Variants in ATG7 observed in about 807,000 individuals in gnomAD.
The protein encoded by ATG7 is autophagy related 7, also known as ubiquitin-like modifier-activating enzyme ATG7.
Under a neutral mutation model 82.4 loss-of-function variants are expected in ATG7, and 70 were observed. That is an observed-to-expected ratio of 0.85 (90% CI 0.70 to 1.04). The LOEUF (loss-of-function observed/expected upper bound fraction) is 1.04, where lower values mean the gene tolerates loss of function less well. ATG7 is among the 50% of genes least tolerant of loss of function. ATG7 has a pLI of 0.00. For missense variants in ATG7, 792 were observed against 864.3 expected (o/e 0.92, Z 1.05); for synonymous variants, 287 against 313.0 (o/e 0.92, Z 0.88).
intron 20 of ATG7, among the ~76,000 whole-genome samples, chr3:11,503,088 A>C (rs2091459125): frequency 6.6e-6 from 1 of 152,168 alleles, no homozygotes; most frequent in Non-Finnish European, 1.5e-5. Flanking sequence ...GTCAGGCTCA[A>C]ATACCTTCCA....
intron 14 of ATG7, among the ~76,000 whole-genome samples, chr3:11,357,917 G>C (rs906373837): frequency 1.3e-5 from 2 of 151,692 alleles, no homozygotes; most frequent in Non-Finnish European, 1.5e-5. Context: ...GCTGAGGTGG[G>C]AGGATCCCTT....
At position 11,340,282 on chromosome 3, in the gene ATG7, G is replaced by A. The variant is rs182226244; in HGVS notation, c.890-363G>A. 3.4e-4 allele frequency among the ~76,000 whole-genome samples: 51 copies of A among 152,120 alleles called. No homozygotes were observed. In the East Asian group the frequency reaches 8.7e-3, roughly 26 times the overall value. On this transcript the variant is annotated intron_variant, in intron 11 of 20. Transcript: ENST00000693202. The stretch of plus-strand genomic sequence containing the variant: ...CTTGCTTAGATAGAGAAGCCTCAGT[G>A]GGGTTATACCTACCCCAGAAAAGAT...
At chr3:11,336,036 A>ATTTTTTTTTT in intron 11 of ATG7, among the ~76,000 whole-genome samples, 1 of 111,696 alleles carries the variant, frequency 9.0e-6, no homozygotes, top group Admixed American at 9.2e-5. Flanking sequence ...GTGCCCGGTC[A>ATTTTTTTTTT]TTTTTTTTTT....
At chr3:11,387,876 A>G (rs932491250) in intron 19 of ATG7, among the ~76,000 whole-genome samples, 2 of 152,208 alleles carry the variant, frequency 1.3e-5, no homozygotes, top group Non-Finnish European at 2.9e-5. Flanking sequence ...AGGCTGAGGC[A>G]GGAGAATGGT....
intron 20 of ATG7, among the ~76,000 whole-genome samples, chr3:11,493,263 C>T (rs577527207): frequency 6.6e-6 from 1 of 152,164 alleles, no homozygotes; most frequent in Non-Finnish European, 1.5e-5. Context: ...TCAAGTTGCC[C>T]CTCTCTTTGC....
intron 19 of ATG7, among the ~76,000 whole-genome samples, chr3:11,424,144 T>A (rs2082169630): frequency 6.6e-6 from 1 of 152,046 alleles, no homozygotes; most frequent in African/African-American, 2.4e-5. Flanking sequence ...TGCTCAACCT[T>A]CCCTCCTCAT....
chr3:11,533,261 T>C (rs2092726448), intron 20 of ATG7, among the ~76,000 whole-genome samples: 1 of 152,058 alleles, frequency 6.6e-6, no homozygotes, highest in South Asian at 2.1e-4. Context: ...ACCGTGAGTG[T>C]TCATTTAAAC....
At chr3:11,336,566 T>TAATGTAAACAGTTACATA (rs1952530329) in intron 11 of ATG7, among the ~76,000 whole-genome samples, 1 of 152,262 alleles carries the variant, frequency 6.6e-6, no homozygotes, top group Non-Finnish European at 1.5e-5. Flanking sequence ...TTCTATATCA[T>TAATGTAAACAGTTACATA]AATGTAAACT....
intron 20 of ATG7, among the ~76,000 whole-genome samples, chr3:11,469,019 CTTCTT>C (rs1309168051): frequency 2.0e-5 from 3 of 152,226 alleles, no homozygotes; most frequent in Admixed American, 6.5e-5. Context: ...TCTCTCATCT[CTTCTT>C]GAGTTTGCTT....
chr3:11,461,955 C>G (rs568604041), intron 20 of ATG7, among the ~76,000 whole-genome samples: 3 of 151,712 alleles, frequency 2.0e-5, no homozygotes, highest in Non-Finnish European at 4.4e-5. Context: ...GTTATGAACC[C>G]GGGAGGCAGA....
chr3:11,566,652 C>CT, the ATG7 span, among the ~76,000 whole-genome samples: 16 of 152,180 alleles, frequency 1.1e-4, no homozygotes, highest in Admixed American at 9.2e-4. Flanking sequence ...GCCTCTGTGG[C>CT]TGTGTACACG....
intron 9 of ATG7, among the ~76,000 whole-genome samples, chr3:11,317,584 CTTT>C (rs370026914): frequency 1.3e-4 from 15 of 114,448 alleles, no homozygotes; most frequent in African/African-American, 3.5e-4. Context: ...TTCTTTCTTT[CTTT>C]TTTTTTTTTT....
rs144915299 is a variant in ATG7, at chr3:11,523,437, T to A, written c.2080-31374T>A. On this transcript the variant is annotated intron_variant, in intron 20 of 20. Transcript: ENST00000693202. ...AGAAACAGGGAGGATTATTGTTAACTTTTACCACATGTATGACTTGTTCCC... is the reference window on the plus strand; with the variant it reads ...AGAAACAGGGAGGATTATTGTTAACATTTACCACATGTATGACTTGTTCCC... 9.3e-3 allele frequency among the ~76,000 whole-genome samples: 1,419 copies of A among 152,348 alleles called. 18 individuals carry two copies. Among genetic ancestry groups the A allele is most frequent in the African/African-American group, 0.033 (1,361 of 41,578 alleles).
rs190913956 is a variant in ATG7, at chr3:11,392,833, C to T, written c.1956+12781C>T. Among the ~76,000 whole-genome samples the T allele has an allele frequency of 1.3e-3, 195 of 152,230 alleles. 1 individual carries two copies. The highest frequency in any genetic ancestry group is 2.2e-3 in the Non-Finnish European group (151 of 68,018). On this transcript the variant is annotated intron_variant, in intron 19 of 20. Coordinates refer to ENST00000693202, the MANE Select transcript of ATG7 (RefSeq NM_001349232.2). ...TTGTTTGTTTGGTAGAAACTGGTAA[C>T]GTCCTATATTAGAAGTTATGCTACC...
At chr3:11,447,717 G>GA (rs925756283) in intron 20 of ATG7, among the ~76,000 whole-genome samples, 1 of 152,118 alleles carries the variant, frequency 6.6e-6, no homozygotes, top group Non-Finnish European at 1.5e-5. Context: ...GCTCCAAAAA[G>GA]AAAATCCCAG....
At chr3:11,385,780 T>C (rs574926854) in intron 19 of ATG7, among the ~76,000 whole-genome samples, 78 of 152,280 alleles carry the variant, frequency 5.1e-4, no homozygotes, top group African/African-American at 1.8e-3. Flanking sequence ...CAGTGGAGAA[T>C]TGCATGTATA....
chr3:11,386,963 C>T (rs529103573), intron 19 of ATG7, among the ~76,000 whole-genome samples: 42 of 152,354 alleles, frequency 2.8e-4, no homozygotes, highest in African/African-American at 9.9e-4. Flanking sequence ...TCTCCCTTTG[C>T]TTCTATTTCC....
At chr3:11,553,070 C>T (rs1175362877) in intron 20 of ATG7, among the ~76,000 whole-genome samples, 1 of 152,104 alleles carries the variant, frequency 6.6e-6, no homozygotes, top group Non-Finnish European at 1.5e-5. Flanking sequence ...GGAGGCTGGG[C>T]AGGAGGTCCC....
chr3:11,511,230 C>G (rs1355862178), intron 20 of ATG7, among the ~76,000 whole-genome samples: 3 of 152,110 alleles, frequency 2.0e-5, no homozygotes, highest in Non-Finnish European at 4.4e-5. Flanking sequence ...CTTATCTGGC[C>G]CCACCCACAT....
Sources: gnomAD v4.1 joint callset for allele counts (sites outside exome capture counted in the v4.1 genomes callset) on GRCh38, gnomAD v4.1.1 for gene constraint, MANE v1.5 for transcripts, NCBI Gene and HGNC (gene_info 2026-07-23, HGNC 2026-07-21) for gene names.